CCDC102B: variants seen among roughly 807,000 people sequenced by gnomAD.
CCDC102B encodes coiled-coil domain containing 102B.
In CCDC102B, 75 loss-of-function variants were observed where a neutral mutation model predicts 57.4. The ratio of observed to expected loss-of-function variants is 1.31; its 90% confidence interval spans 1.08 to 1.58. The LOEUF is 1.58. CCDC102B is among the 40% of genes most tolerant of loss of function. The pLI is 0.00. For missense variants in CCDC102B, 636 were observed against 582.6 expected, an observed-to-expected ratio of 1.09 and a Z score of -0.94; for synonymous variants, 206 against 201.9, an observed-to-expected ratio of 1.02 and a Z score of -0.17.
intron 2 of CCDC102B, among the ~76,000 whole-genome samples, chr18:68,776,884 A>G (rs1483450432): frequency 2.0e-5 from 3 of 152,208 alleles, no homozygotes; most frequent in Non-Finnish European, 4.4e-5. Context: ...ATTCTAATAC[A>G]TAAACTTTTT....
At chr18:68,764,142 C>T (rs957909306) in intron 2 of CCDC102B, among the ~76,000 whole-genome samples, 7 of 152,138 alleles carry the variant, frequency 4.6e-5, no homozygotes, top group African/African-American at 1.7e-4. Flanking sequence ...TGATTCACTA[C>T]ACTCTTGCCT....
intron 5 of CCDC102B, 41 bp from the exon 6 acceptor site, chr18:68,897,178 G>A: frequency 6.5e-7 from 1 of 1,533,482 alleles, no homozygotes; most frequent in Non-Finnish European, 8.9e-7. Context: ...TTTGGCAATT[G>A]CAAATGCTGC....
intron 3 of CCDC102B, among the ~76,000 whole-genome samples, chr18:68,839,639 C>T (rs1292607192): frequency 6.6e-6 from 1 of 152,198 alleles, no homozygotes; most frequent in African/African-American, 2.4e-5. Context: ...GCTGGCAATG[C>T]ATGGAAGGCT....
intron 6 of CCDC102B, among the ~76,000 whole-genome samples, chr18:68,989,255 C>T (rs552328530): frequency 3.2e-4 from 49 of 152,204 alleles, no homozygotes; most frequent in African/African-American, 1.1e-3. Context: ...CTTTGAAAGA[C>T]GGGCACCTTT....
At chr18:68,944,698 A>G (rs1017627970) in intron 6 of CCDC102B, among the ~76,000 whole-genome samples, 1 of 152,010 alleles carries the variant, frequency 6.6e-6, no homozygotes, top group Non-Finnish European at 1.5e-5. Flanking sequence ...AGCAAATAAT[A>G]ATAATAATAA....
chr18:68,881,270 T>A (rs2039684532), intron 5 of CCDC102B, among the ~76,000 whole-genome samples: 1 of 152,212 alleles, frequency 6.6e-6, no homozygotes, highest in African/African-American at 2.4e-5. Flanking sequence ...TGCATAAAGA[T>A]CTATTAAAAT....
At chr18:68,857,276 T>C (rs180706288) in intron 4 of CCDC102B, among the ~76,000 whole-genome samples, 1 of 27,908 alleles carries the variant, frequency 3.6e-5, no homozygotes, top group African/African-American at 9.3e-5. Flanking sequence ...AATATATATA[T>C]AATATATATT....
chr18:68,815,438 G>A (rs185668622), intron 1 of CCDC102B, among the ~76,000 whole-genome samples: 2 of 152,254 alleles, frequency 1.3e-5, no homozygotes, highest in East Asian at 3.9e-4. Context: ...TTTTTTGAAT[G>A]TCTTCCATGT....
chr18:69,010,797 G>T, intron 6 of CCDC102B, 137 bp from the exon 7 acceptor site: 2 of 580,250 alleles, frequency 3.4e-6, no homozygotes, highest in East Asian at 5.6e-5. Flanking sequence ...TTACAGAAAT[G>T]TAGAATTGCA....
At chr18:68,842,833 A>G (rs1007477638) in intron 3 of CCDC102B, among the ~76,000 whole-genome samples, 1 of 152,176 alleles carries the variant, frequency 6.6e-6, no homozygotes, top group Non-Finnish European at 1.5e-5. Flanking sequence ...ATTTTGAGCT[A>G]TAATGTCAAT....
intron 7 of CCDC102B, among the ~76,000 whole-genome samples, chr18:69,033,213 A>G (rs951487301): frequency 6.6e-6 from 1 of 152,150 alleles, no homozygotes; most frequent in Non-Finnish European, 1.5e-5. Context: ...CTTCAGCTTA[A>G]CATACAAAAA....
intron 2 of CCDC102B, among the ~76,000 whole-genome samples, chr18:68,748,426 G>C (rs1216340236): frequency 1.3e-5 from 2 of 152,026 alleles, no homozygotes; most frequent in Non-Finnish European, 2.9e-5. Context: ...TGAGTGCTAG[G>C]CATCCATTTT....
intron 2 of CCDC102B, among the ~76,000 whole-genome samples, chr18:68,744,113 A>G (rs1453697593): frequency 6.6e-6 from 1 of 152,216 alleles, no homozygotes; most frequent in Admixed American, 6.5e-5. Context: ...TTATCAGAAC[A>G]TGTTTAGGCA....
chr18:68,872,026 C>G (rs1373372136), intron 4 of CCDC102B, among the ~76,000 whole-genome samples: 1 of 151,898 alleles, frequency 6.6e-6, no homozygotes, highest in Non-Finnish European at 1.5e-5. Context: ...GAAGGGCAAG[C>G]TGATTGAGTT....
intron 2 of CCDC102B, among the ~76,000 whole-genome samples, chr18:68,787,451 C>G (rs1461879450): frequency 6.6e-6 from 1 of 150,440 alleles, no homozygotes; most frequent in Non-Finnish European, 1.5e-5. Flanking sequence ...GTGAATCCAT[C>G]TGGTCCTGGA....
intron 2 of CCDC102B, among the ~76,000 whole-genome samples, chr18:68,723,409 A>G (rs562755660): frequency 6.6e-6 from 1 of 152,208 alleles, no homozygotes; most frequent in East Asian, 1.9e-4. Context: ...CATTAACCCA[A>G]AGTCCAAGTC....
chr18:69,049,349 G>A (rs1006710057), intron 7 of CCDC102B, among the ~76,000 whole-genome samples: 3 of 151,996 alleles, frequency 2.0e-5, no homozygotes, highest in Non-Finnish European at 4.4e-5. Context: ...CTTCATCCAT[G>A]TCCCTGCAAA....
intron 6 of CCDC102B, among the ~76,000 whole-genome samples, chr18:68,974,067 G>A (rs991005679): frequency 1.3e-5 from 2 of 152,062 alleles, no homozygotes; most frequent in African/African-American, 4.8e-5. Context: ...ACTTTTGTCA[G>A]CAATTGTGAT....
chr18:69,055,437 G>A (rs941205090), downstream of CCDC102B, among the ~76,000 whole-genome samples: 1 of 152,004 alleles, frequency 6.6e-6, no homozygotes, highest in Non-Finnish European at 1.5e-5. Context: ...CTCCTCCTGT[G>A]AACTGGATCC....
Sources: gnomAD v4.1 joint callset for allele counts (sites outside exome capture counted in the v4.1 genomes callset) on GRCh38, gnomAD v4.1.1 for gene constraint, MANE v1.5 for transcripts, NCBI Gene and HGNC (gene_info 2026-07-23, HGNC 2026-07-21) for gene names.